Variants in DMXL1 observed in about 807,000 individuals in gnomAD.
The protein encoded by DMXL1 is dmX-like protein 1.
In DMXL1, 99 loss-of-function variants were observed where a neutral mutation model predicts 319.2. The observed-to-expected ratio is 0.31, with a 90% CI of 0.26 to 0.37. The LOEUF is 0.37. DMXL1 is among the 10% of genes least tolerant of loss of function. DMXL1 has a pLI of 1.00. For synonymous variants in DMXL1, 1,385 were observed against 1,235.2 expected, an observed-to-expected ratio of 1.12 and a Z score of -2.54; for missense variants, 3,745 against 3,595.6, an observed-to-expected ratio of 1.04 and a Z score of -1.06.
rs1351254377 is a variant in DMXL1 at position 119,206,839 on chromosome 5, A to G, written c.7869A>G (p.Leu2623=). The change falls in exon 34 of 44, where the codon TTA becomes TTG. Residue 2623 remains leucine, a synonymous_variant. Transcript: ENST00000539542. ...FTKKRCLNES[L]EDNSETIKNS... ...GTTATTCTTTCTTGATGAAGTCATTAGAGGACAACAGTGAAACCATCAAAA... is the reference window on the plus strand; with the variant it reads ...GTTATTCTTTCTTGATGAAGTCATTGGAGGACAACAGTGAAACCATCAAAA... The G allele has an allele frequency of 5.9e-6, 9 of 1,521,568 alleles. 1 individual carries two copies. The highest frequency in any genetic ancestry group is 4.0e-5 in the Admixed American group (2 of 49,976). The allele number at this position is 1,521,568 out of a possible 1,614,324, so 94.3% of individuals were successfully genotyped here. A position where few individuals can be genotyped will look rare whatever the true frequency, so the allele number is the denominator to read the frequency against.
chr5:119,091,709 G>T (rs553535977), intron 1 of DMXL1, among the ~76,000 whole-genome samples: 1 of 152,096 alleles, frequency 6.6e-6, no homozygotes, highest in East Asian at 1.9e-4. Context: ...AAGGGCTGCC[G>T]TTCCTAAAGT....
At chr5:119,205,176 T>G (rs927845562) in intron 33 of DMXL1, among the ~76,000 whole-genome samples, 14 of 152,164 alleles carry the variant, frequency 9.2e-5, no homozygotes, top group African/African-American at 3.4e-4. Flanking sequence ...TTGACATATT[T>G]GATTAATCTT....
At chr5:119,194,554 T>C (rs1427933108) in intron 30 of DMXL1, among the ~76,000 whole-genome samples, 1 of 152,192 alleles carries the variant, frequency 6.6e-6, no homozygotes, top group Non-Finnish European at 1.5e-5. Context: ...GGTATGTTAA[T>C]GGTGTGATAA....
intron 13 of DMXL1, among the ~76,000 whole-genome samples, chr5:119,138,213 A>G (rs1279839893): frequency 1.3e-5 from 2 of 152,214 alleles, no homozygotes; most frequent in Non-Finnish European, 1.5e-5. Context: ...TGTTTAGAAC[A>G]TTGAATAGCT....
chr5:119,163,609 G>C (rs1321232426), intron 19 of DMXL1, among the ~76,000 whole-genome samples: 1 of 152,108 alleles, frequency 6.6e-6, no homozygotes, highest in Non-Finnish European at 1.5e-5. Context: ...TTGTTTTGAA[G>C]ACGGAGTCTC....
intron 1 of DMXL1, among the ~76,000 whole-genome samples, chr5:119,082,560 T>G (rs1752479248): frequency 6.6e-6 from 1 of 152,164 alleles, no homozygotes; most frequent in Non-Finnish European, 1.5e-5. Flanking sequence ...TTTATAGATG[T>G]GAGCTGCCAT....
At chr5:119,088,808 T>G (rs990242605) in intron 1 of DMXL1, among the ~76,000 whole-genome samples, 1 of 152,166 alleles carries the variant, frequency 6.6e-6, no homozygotes, top group Non-Finnish European at 1.5e-5. Context: ...GTTGTCTTAA[T>G]TTGCCTGTTT....
chr5:119,237,747 A>G (rs1033579317), intron 40 of DMXL1, among the ~76,000 whole-genome samples: 11 of 151,990 alleles, frequency 7.2e-5, no homozygotes, highest in Admixed American at 5.2e-4. Context: ...TACCAGACCA[A>G]TGCGTCTGGT....
At chr5:119,173,720 ATATATATATATGTGTG>A (rs1457832514) in intron 25 of DMXL1, among the ~76,000 whole-genome samples, 2 of 114,966 alleles carry the variant, frequency 1.7e-5, no homozygotes, top group Non-Finnish European at 3.7e-5. Context: ...GTGTGTGTGT[ATATATATATATGTGTG>A]TATATATATA....
intron 40 of DMXL1, among the ~76,000 whole-genome samples, chr5:119,237,771 TTA>T (rs1445424403): frequency 6.6e-6 from 1 of 152,054 alleles, no homozygotes; most frequent in Non-Finnish European, 1.5e-5. Context: ...TTTTCTGCAA[TTA>T]TCTCTTATGA....
At chr5:119,170,070 A>C in intron 23 of DMXL1, 120 bp from the exon 24 acceptor site, 1 of 913,342 alleles carries the variant, frequency 1.1e-6, no homozygotes, top group Non-Finnish European at 1.6e-6. Flanking sequence ...GTGGCCTATT[A>C]GTAAAATTTT....
At chr5:119,157,245 T>G (rs529528166) in intron 19 of DMXL1, among the ~76,000 whole-genome samples, 16 of 152,368 alleles carry the variant, frequency 1.1e-4, no homozygotes, top group African/African-American at 3.4e-4. Context: ...ATATACAGAT[T>G]GCAGATATTA....
chr5:119,227,678 G>T (rs1195507343), intron 38 of DMXL1, among the ~76,000 whole-genome samples: 1 of 151,960 alleles, frequency 6.6e-6, no homozygotes, highest in Admixed American at 6.6e-5. Context: ...AAGCTGTCTG[G>T]GTGATATCTG....
chr5:119,158,098 C>T (rs1282900300), intron 19 of DMXL1, among the ~76,000 whole-genome samples: 1 of 151,694 alleles, frequency 6.6e-6, no homozygotes, highest in Non-Finnish European at 1.5e-5. Flanking sequence ...TGCTGTGTTG[C>T]CCAGGCTTTT....
At chr5:119,147,209 C>T in intron 16 of DMXL1, 40 bp from the exon 17 acceptor site, 2 of 1,536,788 alleles carry the variant, frequency 1.3e-6, no homozygotes, top group Non-Finnish European at 1.8e-6. Context: ...TTATAGGGTT[C>T]CCCTGCCTCA....
intron 19 of DMXL1, among the ~76,000 whole-genome samples, chr5:119,160,293 AT>A (rs370251237): frequency 4.6e-5 from 7 of 152,010 alleles, no homozygotes; most frequent in African/African-American, 1.4e-4. Flanking sequence ...TCTTTGACTC[AT>A]TGTTTTTTCA....
Position 119,148,729 on chromosome 5 carries a change from T to A in DMXL1, c.2912-10T>A. The A allele has an allele frequency of 6.3e-7, 1 of 1,590,362 alleles. No homozygotes were observed. The highest frequency in any genetic ancestry group is 8.6e-7 in the Non-Finnish European group (1 of 1,167,752). The stretch of plus-strand genomic sequence containing the variant: ...TTTGACATTTTGTTAACGGATTATT[T>A]TTATTTTAGGACATCTGAGTTCATC... On this transcript the variant is annotated splice_polypyrimidine_tract_variant and intron_variant, in intron 17 of 43. Transcript: ENST00000539542.
intron 29 of DMXL1, among the ~76,000 whole-genome samples, chr5:119,190,477 C>T (rs928473426): frequency 1.2e-4 from 19 of 152,130 alleles, no homozygotes; most frequent in African/African-American, 3.9e-4. Flanking sequence ...TTATGTAGCA[C>T]CTGTTACTCA....
intron 4 of DMXL1, among the ~76,000 whole-genome samples, chr5:119,107,604 C>A (rs770932279): frequency 2.0e-5 from 3 of 152,060 alleles, no homozygotes; most frequent in Non-Finnish European, 4.4e-5. Context: ...TATATCTTAC[C>A]TACTTTTGTT....
Sources: allele counts gnomAD v4.1 joint callset (sites outside exome capture counted in the v4.1 genomes callset), GRCh38; gene constraint gnomAD v4.1.1; transcripts MANE v1.5; gene names NCBI Gene and HGNC (gene_info 2026-07-23, HGNC 2026-07-21).